RBMS1: variants seen among roughly 807,000 people sequenced by gnomAD.
RBMS1 encodes RNA-binding motif, single-stranded-interacting protein 1.
In RBMS1, 17 loss-of-function variants were observed where a neutral mutation model predicts 62.3. The observed-to-expected ratio is 0.27, with a 90% confidence interval of 0.19 to 0.41. The LOEUF is 0.41. Among genes scored for constraint, RBMS1 ranks in the 10% least tolerant of loss-of-function variants. The pLI is 1.00. For missense variants in RBMS1, 334 were observed against 504.5 expected (o/e 0.66, Z 3.24); for synonymous variants, 172 against 170.0 (o/e 1.01, Z -0.09).
chr2:160,464,710 T>C (rs554923942), intron 1 of RBMS1, among the ~76,000 whole-genome samples: 1 of 152,348 alleles, frequency 6.6e-6, no homozygotes, highest in African/African-American at 2.4e-5. Context: ...AAGTCACACA[T>C]TTTCTTGAGT....
chr2:160,349,866 GGTGAA>G (rs78404377), intron 2 of RBMS1, among the ~76,000 whole-genome samples: 11,395 of 151,350 alleles, frequency 0.075, 622 homozygotes, highest in South Asian at 0.19. Flanking sequence ...AGAATGCCCA[GGTGAA>G]GTGGAGGCAG....
At chr2:160,400,996 T>C (rs1695401595) in intron 1 of RBMS1, among the ~76,000 whole-genome samples, 1 of 152,164 alleles carries the variant, frequency 6.6e-6, no homozygotes, top group South Asian at 2.1e-4. Context: ...TTTTGTTTTG[T>C]TTTTTCACTG....
intron 1 of RBMS1, among the ~76,000 whole-genome samples, chr2:160,412,592 C>T (rs190296585): frequency 5.9e-5 from 9 of 152,274 alleles, no homozygotes; most frequent in East Asian, 1.9e-4. Context: ...AACCATAGAG[C>T]GCCCAAATTG....
At chr2:160,328,084 T>C (rs1489862426) in intron 2 of RBMS1, among the ~76,000 whole-genome samples, 2 of 152,122 alleles carry the variant, frequency 1.3e-5, no homozygotes. Flanking sequence ...CCATATCAAG[T>C]GCTGATATGG....
At chr2:160,403,459 A>C (rs1329203325) in intron 1 of RBMS1, among the ~76,000 whole-genome samples, 1 of 152,258 alleles carries the variant, frequency 6.6e-6, no homozygotes, top group East Asian at 1.9e-4. Flanking sequence ...AGGATTAATC[A>C]ACAGCTTTGT....
In RBMS1 at chr2:160,273,446, C is replaced by A. The variant is rs1687672438; in HGVS notation, c.*1326G>T. The A allele has an allele frequency of 6.6e-6, 1 of 152,168 alleles. No homozygotes were observed. Among genetic ancestry groups the A allele is most frequent in the African/African-American group, 2.4e-5 (1 of 41,426 alleles). 9.4% of individuals were successfully genotyped at this position (152,168 alleles called of 1,614,324 possible). Reference sequence around the variant, plus strand: ...AGCTACTGGTTACTGGCTCTTCGGTCTTTGGTGAAGTTACCTTTAAAAGTG... The same window carrying A: ...AGCTACTGGTTACTGGCTCTTCGGTATTTGGTGAAGTTACCTTTAAAAGTG... On this transcript the variant is annotated 3_prime_UTR_variant, in exon 14 of 14. Coordinates refer to ENST00000348849, the MANE Select transcript of RBMS1 (RefSeq NM_016836.4).
At chr2:160,313,555 A>C (rs1178943274) in intron 3 of RBMS1, among the ~76,000 whole-genome samples, 1 of 152,096 alleles carries the variant, frequency 6.6e-6, no homozygotes, top group East Asian at 1.9e-4. Context: ...ACCAAGTTTA[A>C]AAAAAAGAAA....
chr2:160,293,221 T>A (rs546629925), intron 6 of RBMS1, among the ~76,000 whole-genome samples: 52 of 152,160 alleles, frequency 3.4e-4, no homozygotes, highest in African/African-American at 1.2e-3. Context: ...CTTTGAAAAA[T>A]CTCCAGGCCT....
chr2:160,355,239 A>G lies in RBMS1; in HGVS notation c.251+11977T>C, dbSNP rs546978982. Among the ~76,000 whole-genome samples the G allele has an allele frequency of 2.3e-4, 35 of 152,254 alleles. No individual in the cohort carries two copies. In the South Asian group the frequency reaches 7.2e-3, roughly 32 times the overall value. Reference sequence around the variant, plus strand: ...AATCAGTGAGTAATAAACAAACAGAACACCTGTTTCAGCTGACAGAATGTT... The same window carrying G: ...AATCAGTGAGTAATAAACAAACAGAGCACCTGTTTCAGCTGACAGAATGTT... On this transcript the variant is annotated intron_variant, in intron 2 of 13. Transcript: ENST00000348849.
intron 2 of RBMS1, among the ~76,000 whole-genome samples, chr2:160,349,504 C>T (rs1487154395): frequency 1.1e-4 from 17 of 151,432 alleles, no homozygotes; most frequent in Non-Finnish European, 2.2e-4. Flanking sequence ...TTTCCCAGCA[C>T]TGAGTAATCC....
chr2:160,439,713 G>T (rs1248262396), intron 1 of RBMS1, among the ~76,000 whole-genome samples: 1 of 152,210 alleles, frequency 6.6e-6, no homozygotes, highest in Middle Eastern at 3.2e-3. Flanking sequence ...CTGCTGGGAG[G>T]TGGAGGTTGT....
chr2:160,459,866 G>A (rs1312566919), intron 1 of RBMS1, among the ~76,000 whole-genome samples: 1 of 152,130 alleles, frequency 6.6e-6, no homozygotes, highest in African/African-American at 2.4e-5. Flanking sequence ...AAACCAATGT[G>A]CACAAAAGTA....
chr2:160,381,008 T>C (rs1694259898), intron 1 of RBMS1, among the ~76,000 whole-genome samples: 1 of 152,208 alleles, frequency 6.6e-6, no homozygotes, highest in South Asian at 2.1e-4. Flanking sequence ...ATATAAATTG[T>C]AAATATTGCA....
intron 1 of RBMS1, among the ~76,000 whole-genome samples, chr2:160,477,000 G>T (rs1685169812): frequency 6.6e-6 from 1 of 152,078 alleles, no homozygotes; most frequent in Non-Finnish European, 1.5e-5. Context: ...CTGATATTTT[G>T]TGACTTTCTC....
intron 1 of RBMS1, among the ~76,000 whole-genome samples, chr2:160,391,376 C>A (rs750401013): frequency 5.3e-5 from 8 of 151,626 alleles, no homozygotes; most frequent in Non-Finnish European, 7.4e-5. Flanking sequence ...TCAGAGGGAG[C>A]ATGGCCCTGC....
chr2:160,430,632 T>C (rs891327464), intron 1 of RBMS1, among the ~76,000 whole-genome samples: 1 of 152,226 alleles, frequency 6.6e-6, no homozygotes, highest in Non-Finnish European at 1.5e-5. Context: ...TAAACAATTG[T>C]ATTCATTTAT....
chr2:160,274,508 C>A lies in RBMS1; in HGVS notation c.*264G>T, dbSNP rs1451519595. ...TTGCATCATAACATTTGATAAAAAT[C>A]TTTTGTTTTTGTTTTTTGTTTTTTT... On this transcript the variant is annotated 3_prime_UTR_variant, in exon 14 of 14. Coordinates refer to ENST00000348849, the MANE Select transcript of RBMS1 (RefSeq NM_016836.4). 1.6e-5 allele frequency: 2 copies of A among 124,530 alleles called. No individual in the cohort carries two copies. Among genetic ancestry groups the A allele is most frequent in the African/African-American group, 6.0e-5 (2 of 33,240 alleles). The allele number at this position is 124,530 out of a possible 1,614,324, so 7.7% of individuals were successfully genotyped here.
At chr2:160,487,544 C>A (rs1040932629) in intron 1 of RBMS1, among the ~76,000 whole-genome samples, 1 of 152,176 alleles carries the variant, frequency 6.6e-6, no homozygotes, top group African/African-American at 2.4e-5. Context: ...GTGTTTTAGT[C>A]CTTCATCATG....
Position 160,493,425 on chromosome 2 carries a change from C to A in RBMS1, c.-62G>T, listed in dbSNP as rs1685948470. ...CACTTTGGGGTTTCCAAGTCTCGGG[C>A]TCTCCTGCCTCTCCCTTTCCGGCGG... On this transcript the variant is annotated 5_prime_UTR_variant, in exon 1 of 14. Coordinates refer to ENST00000348849, the MANE Select transcript of RBMS1 (RefSeq NM_016836.4). The A allele has an allele frequency of 6.0e-6, 9 of 1,498,218 alleles. No homozygotes were observed. The Admixed American group carries it at 1.2e-4, about 20-fold the overall frequency. 92.8% of individuals were successfully genotyped at this position (1,498,218 alleles called of 1,614,324 possible). A position where few individuals can be genotyped will look rare whatever the true frequency, so the allele number is the denominator to read the frequency against.
Sources: gnomAD v4.1 joint callset for allele counts (sites outside exome capture counted in the v4.1 genomes callset) on GRCh38, gnomAD v4.1.1 for gene constraint, MANE v1.5 for transcripts, NCBI Gene and HGNC (gene_info 2026-07-23, HGNC 2026-07-21) for gene names.